HSPB7: variants seen among roughly 807,000 people sequenced by gnomAD.
The protein encoded by HSPB7 is heat shock protein family B (small) member 7.
HSPB7 carries 9 observed loss-of-function variants against 11.0 expected under a neutral mutation model. The observed-to-expected ratio is 0.82, with a 90% CI of 0.49 to 1.43. The LOEUF is 1.43. HSPB7 is among the 40% of genes most tolerant of loss of function. HSPB7 has a pLI of 0.00. For synonymous variants in HSPB7, 102 were observed against 101.6 expected (o/e 1.00, Z -0.02); for missense variants, 246 against 243.9 (o/e 1.01, Z -0.06).
At position 16,015,238 on chromosome 1, in the gene HSPB7, T is replaced by C. The variant is rs1048237; in HGVS notation, c.*342A>G. 143,401 of 239,592 alleles carry C rather than the reference T, an allele frequency of 0.6. 44,025 individuals carry two copies. Among genetic ancestry groups the C allele is most frequent in the East Asian group, 0.75 (6,515 of 8,678 alleles). 14.8% of individuals were successfully genotyped at this position (239,592 alleles called of 1,614,324 possible). ...CTTCATAGATCAGAGGGTTTGTCTGTCTGTCTGTCCTGCAGAGCTTGCCCA... is the reference window on the plus strand; with the variant it reads ...CTTCATAGATCAGAGGGTTTGTCTGCCTGTCTGTCCTGCAGAGCTTGCCCA... On this transcript the variant is annotated 3_prime_UTR_variant, in exon 3 of 3. Coordinates refer to ENST00000311890, the MANE Select transcript of HSPB7 (RefSeq NM_014424.5). The surrounding 1 kb of genome is among the most constrained non-coding windows in gnomAD (Gnocchi z 4.9).
Position 16,014,797 on chromosome 1 carries a change from G to C in HSPB7, c.*783C>G, listed in dbSNP as rs1394456116. 6.6e-6 allele frequency: 1 copy of C among 152,260 alleles called. No homozygotes were observed. Among genetic ancestry groups the C allele is most frequent in the African/African-American group, 2.4e-5 (1 of 41,448 alleles). 9.4% of individuals were successfully genotyped at this position (152,260 alleles called of 1,614,324 possible). ...CTGTTAGGTGATCCTGTCTGCATGGGAGCAGCCCCAAGAACACAGGCCTGT... is the reference window on the plus strand; with the variant it reads ...CTGTTAGGTGATCCTGTCTGCATGGCAGCAGCCCCAAGAACACAGGCCTGT... On this transcript the variant is annotated 3_prime_UTR_variant, in exon 3 of 3. Coordinates refer to ENST00000311890, the MANE Select transcript of HSPB7 (RefSeq NM_014424.5).
chr1:16,018,879 C>A, upstream of HSPB7: 1 of 1,328,466 alleles, frequency 7.5e-7, no homozygotes, highest in Non-Finnish European at 9.8e-7. Flanking sequence ...AGCACGGCCC[C>A]GTTTGATCCC....
In HSPB7 at chr1:16,015,546, G is replaced by A; in HGVS notation, c.*34C>T. 1 of 1,605,114 alleles carries A rather than the reference G, an allele frequency of 6.2e-7. No individual in the cohort carries two copies. The highest frequency in any genetic ancestry group is 8.5e-7 in the Non-Finnish European group (1 of 1,172,342). On this transcript the variant is annotated 3_prime_UTR_variant, in exon 3 of 3. Transcript: ENST00000311890. This position sits in a 1 kb window ranked among gnomAD's most constrained non-coding sequence, Gnocchi z 4.9. ...AGCGAGGCTTTGCTGGCAGGCGTGG[G>A]GCGGGGGGACAGGGAAAGGGAAGGG... is the stretch of plus-strand genomic sequence containing the variant.
rs746049330 is a variant in HSPB7 at position 16,017,822 on chromosome 1, A to G, written c.142T>C (p.Phe48Leu). 2 of 1,613,656 alleles carry G rather than the reference A, an allele frequency of 1.2e-6. No homozygotes were observed. Among genetic ancestry groups the G allele is most frequent in the South Asian group, 2.2e-5 (2 of 90,942 alleles). Residue 48 changes from phenylalanine (F) to leucine (L), a missense_variant, in exon 1 of 3, where the codon TTT becomes CTT. Phe to Leu is a conservative substitution (Grantham distance 22). Transcript: ENST00000311890. ...ATGAAGCTGCCAAAGTCATCGGAAA[A>G]CATGCTCAGGGCCTTCTCCATGGGC... ...DPPMEKALSMFSDDFGSFMRP... is the reference protein window; with the variant it reads ...DPPMEKALSMLSDDFGSFMRP...
At position 16,015,346 on chromosome 1, in the gene HSPB7, T is replaced by G; in HGVS notation, c.*234A>C. The G allele has an allele frequency of 5.7e-6, 3 of 527,640 alleles. No individual in the cohort carries two copies. The highest frequency in any genetic ancestry group is 6.8e-6 in the Non-Finnish European group (2 of 293,644). 32.7% of individuals were successfully genotyped at this position (527,640 alleles called of 1,614,324 possible). ...CTGACCCCAGCCCCTGTACTCTGGA[T>G]TAAGTGACGGAGGCCAAATCTGAAA... On this transcript the variant is annotated 3_prime_UTR_variant, in exon 3 of 3. Coordinates refer to ENST00000311890, the MANE Select transcript of HSPB7 (RefSeq NM_014424.5). The surrounding 1 kb of genome is among the most constrained non-coding windows in gnomAD (Gnocchi z 4.9).
Position 16,015,476 on chromosome 1 carries a change from G to C in HSPB7, c.*104C>G. 8.7e-7 allele frequency: 1 copy of C among 1,149,284 alleles called. No individual in the cohort carries two copies. The highest frequency in any genetic ancestry group is 1.3e-6 in the Non-Finnish European group (1 of 791,344). The allele number at this position is 1,149,284 out of a possible 1,614,324, so 71.2% of individuals were successfully genotyped here. ...CACCTGGGGTCTGGGGTGCGTGGGG[G>C]CTAGAACCTGGGCTGAGATGTCCTG... On this transcript the variant is annotated 3_prime_UTR_variant, in exon 3 of 3. Transcript: ENST00000311890. The surrounding 1 kb of genome is among the most constrained non-coding windows in gnomAD (Gnocchi z 4.9).
chr1:16,016,563 A>T (rs1015113235), intron 2 of HSPB7, among the ~76,000 whole-genome samples: 1 of 152,176 alleles, frequency 6.6e-6, no homozygotes, highest in Non-Finnish European at 1.5e-5. Flanking sequence ...GCCCCTGCCC[A>T]GCCTCGGGCC....
chr1:16,016,923 A>T, intron 2 of HSPB7, 151 bp downstream of exon 2: 1 of 756,488 alleles, frequency 1.3e-6, no homozygotes, highest in Non-Finnish European at 2.1e-6. Flanking sequence ...CATGGGTTGC[A>T]GGGACAAGGC....
Position 16,014,863 on chromosome 1 carries a change from C to T in HSPB7, c.*717G>A. On this transcript the variant is annotated 3_prime_UTR_variant, in exon 3 of 3. Coordinates refer to ENST00000311890, the MANE Select transcript of HSPB7 (RefSeq NM_014424.5). ...CAGCCCCACCCCCAACCCCACTTGG[C>T]CTTGCCTGGAGGCCCCAGCAGGCGC... 1 of 152,596 alleles carries T rather than the reference C, an allele frequency of 6.6e-6. No individual in the cohort carries two copies. Among genetic ancestry groups the T allele is most frequent in the Non-Finnish European group, 1.5e-5 (1 of 68,252 alleles). The allele number at this position is 152,596 out of a possible 1,614,324, so 9.5% of individuals were successfully genotyped here.
At position 16,017,260 on chromosome 1, in the gene HSPB7, C is replaced by T. The variant is rs184952320; in HGVS notation, c.200-53G>A. The T allele has an allele frequency of 5.9e-4, 945 of 1,589,208 alleles. 8 individuals carry two copies. In the African/African-American group the frequency reaches 0.01, roughly 17 times the overall value. On this transcript the variant is annotated intron_variant, in intron 1 of 2. Coordinates refer to ENST00000311890, the MANE Select transcript of HSPB7 (RefSeq NM_014424.5). ...CATGGAGCAGGCCTTGCATGCAGAT[C>T]CGGGGGTTCTGGCTCCTTCTCTTGG...
rs1475406305 is a variant in HSPB7 at position 16,017,990 on chromosome 1, G to A, written c.-27C>T. The A allele has an allele frequency of 6.2e-7, 1 of 1,612,474 alleles. No individual in the cohort carries two copies. Among genetic ancestry groups the A allele is most frequent in the Non-Finnish European group, 8.5e-7 (1 of 1,179,556 alleles). On this transcript the variant is annotated 5_prime_UTR_variant, in exon 1 of 3. Coordinates refer to ENST00000311890, the MANE Select transcript of HSPB7 (RefSeq NM_014424.5). Reference sequence around the variant, plus strand: ...CACGGACGGCGCCGGGCCCTGCCCAGGCGGGCGAGGGCTGGACAGGAGAGG... The same window carrying A: ...CACGGACGGCGCCGGGCCCTGCCCAAGCGGGCGAGGGCTGGACAGGAGAGG...
chr1:16,015,697 C>T lies in HSPB7; in HGVS notation c.396G>A (p.Val132=), dbSNP rs532622086. 5 of 1,612,516 alleles carry T rather than the reference C, an allele frequency of 3.1e-6. No individual in the cohort carries two copies. In the South Asian group the frequency reaches 5.5e-5, roughly 18 times the overall value. ...FAHKCQLPED[V]DPTSVTSALR... ...GAGCCGAGGTCACCGACGTCGGGTC[C>T]ACGTCCTCCGGCAGCTGGCACTTGT... The change falls in exon 3 of 3, where the codon GTG becomes GTA. Residue 132 remains valine (V), a synonymous_variant. Coordinates refer to ENST00000311890, the MANE Select transcript of HSPB7 (RefSeq NM_014424.5). The surrounding 1 kb of genome is among the most constrained non-coding windows in gnomAD (Gnocchi z 4.9).
In HSPB7 at chr1:16,014,466, C is replaced by G. The variant is rs1289391978; in HGVS notation, c.*1114G>C. Reference sequence around the variant, plus strand: ...GGAGTTGAGAGCAGCAGTTGACACCCTGGGTTCAGATCTAACCTTCAGTGA... The same window carrying G: ...GGAGTTGAGAGCAGCAGTTGACACCGTGGGTTCAGATCTAACCTTCAGTGA... On this transcript the variant is annotated 3_prime_UTR_variant, in exon 3 of 3. Coordinates refer to ENST00000311890, the MANE Select transcript of HSPB7 (RefSeq NM_014424.5). 6.6e-6 allele frequency: 1 copy of G among 152,202 alleles called. No homozygotes were observed. Among genetic ancestry groups the G allele is most frequent in the Non-Finnish European group, 1.5e-5 (1 of 68,070 alleles). The allele number at this position is 152,202 out of a possible 1,614,324, so 9.4% of individuals were successfully genotyped here.
chr1:16,016,644 A>G (rs2021747561), intron 2 of HSPB7, among the ~76,000 whole-genome samples: 1 of 151,974 alleles, frequency 6.6e-6, no homozygotes, highest in South Asian at 2.1e-4. Flanking sequence ...GGTGGGTCAC[A>G]TGGAGAAACC....
chr1:16,019,194 G>A (rs1264302331), upstream of HSPB7: 56 of 1,550,450 alleles, frequency 3.6e-5, no homozygotes, highest in Middle Eastern at 5.0e-4. Flanking sequence ...GCTCTGCCCA[G>A]GTTGCAGTTA....
chr1:16,019,474 T>C (rs1002179562), upstream of HSPB7: 13 of 1,538,868 alleles, frequency 8.4e-6, no homozygotes, highest in South Asian at 3.6e-5. Context: ...CCCCATTAGA[T>C]TGAAGGTTCT....
In HSPB7 at chr1:16,015,628, C is replaced by T. The variant is rs527794958; in HGVS notation, c.465G>A (p.Pro155=). ...GSLTIRARRH[P]HTEHVQQTFR... Reference sequence around the variant, plus strand: ...AGGTCTGCTGGACGTGTTCTGTATGCGGGTGACGCCGTGCCCGGATAGTGA... The same window carrying T: ...AGGTCTGCTGGACGTGTTCTGTATGTGGGTGACGCCGTGCCCGGATAGTGA... Residue 155 remains proline (P), a synonymous_variant, in exon 3 of 3, where the codon CCG becomes CCA. Transcript: ENST00000311890. This position sits in a 1 kb window ranked among gnomAD's most constrained non-coding sequence, Gnocchi z 4.9. The T allele has an allele frequency of 2.2e-5, 35 of 1,614,014 alleles. No homozygotes were observed. Among genetic ancestry groups the T allele is most frequent in the East Asian group, 6.7e-5 (3 of 44,880 alleles).
At chr1:16,018,390 T>C, upstream of HSPB7, 4 of 1,180,908 alleles carry the variant, frequency 3.4e-6, no homozygotes, top group Non-Finnish European at 4.3e-6. Flanking sequence ...CTGAGGACTG[T>C]GCCTCCCCTC....
In HSPB7 at chr1:16,016,662, C is replaced by A. The variant is rs74635245; in HGVS notation, c.333+412G>T. ...GGGTCACATGGAGAAACCCCTCCCCCCACTGCCCAGGTGAGTTCCCCACCT... is the reference window on the plus strand; with the variant it reads ...GGGTCACATGGAGAAACCCCTCCCCACACTGCCCAGGTGAGTTCCCCACCT... On this transcript the variant is annotated intron_variant, in intron 2 of 2. Transcript: ENST00000311890. Among the ~76,000 whole-genome samples, 367 of 152,160 alleles carry A rather than the reference C, an allele frequency of 2.4e-3. 3 individuals carry two copies. Among genetic ancestry groups the A allele is most frequent in the Admixed American group, 0.019 (293 of 15,296 alleles).
Sources: gnomAD v4.1 joint callset for allele counts (sites outside exome capture counted in the v4.1 genomes callset) on GRCh38, gnomAD v4.1.1 for gene constraint, Gnocchi (gnomAD v3.1) non-coding constraint, MANE v1.5 for transcripts, NCBI Gene and HGNC (gene_info 2026-07-23, HGNC 2026-07-21) for gene names.